The following PNMA8B variants were observed in gnomAD, a reference collection of about 807,000 sequenced individuals.
PNMA8B encodes paraneoplastic antigen-like protein 8B.
For missense variants in PNMA8B, 887 were observed against 885.8 expected (o/e 1.00, Z -0.02); for synonymous variants, 386 against 394.9 (o/e 0.98, Z 0.27).
chr19:46,494,389 C>A lies in PNMA8B; in HGVS notation c.1077G>T (p.Ser359=), dbSNP rs753744819. The part of the protein sequence containing the change: ...EMLKIASVIE[S]LGWSDEKDKR... ...TGTCTTTCTCGTCGCTCCAGCCCAG[C>A]GACTCGATAACAGAAGCGATTTTCA... is the stretch of plus-strand genomic sequence containing the variant. The change falls in exon 1 of 1, where the codon TCG becomes TCT. Residue 359 remains serine, a synonymous_variant. Coordinates refer to ENST00000599531, the MANE Select transcript of PNMA8B (RefSeq NM_020709.3). The A allele has an allele frequency of 3.7e-6, 6 of 1,613,452 alleles. No individual in the cohort carries two copies. Among genetic ancestry groups the A allele is most frequent in the Non-Finnish European group, 5.1e-6 (6 of 1,179,898 alleles).
chr19:46,493,502 G>GCGGGCGGGTGC lies in PNMA8B; in HGVS notation c.*45_*55dup, dbSNP rs1970035896. 17 of 1,151,516 alleles carry GCGGGCGGGTGC rather than the reference G, an allele frequency of 1.5e-5. No homozygotes were observed. The highest frequency in any genetic ancestry group is 1.9e-5 in the Non-Finnish European group (17 of 895,892). The allele number at this position is 1,151,516 out of a possible 1,614,324, so 71.3% of individuals were successfully genotyped here. On this transcript the variant is annotated 3_prime_UTR_variant, in exon 1 of 1. Coordinates refer to ENST00000599531, the MANE Select transcript of PNMA8B (RefSeq NM_020709.3). The surrounding 1 kb of genome is among the most constrained non-coding windows in gnomAD (Gnocchi z 5.3). ...GGGGAGGGGAGGGCGGGGGCCACAGGCGGGCGGGTGCCCTGCGGGGCCTGC... is the reference window on the plus strand; with the variant it reads ...GGGGAGGGGAGGGCGGGGGCCACAGGCGGGCGGGTGCCGGGCGGGTGCCCTGCGGGGCCTGC...
chr19:46,493,589 C>T lies in PNMA8B; in HGVS notation c.1877G>A (p.Arg626Gln), dbSNP rs747602877. 26 of 1,476,444 alleles carry T rather than the reference C, an allele frequency of 1.8e-5. No homozygotes were observed. The highest frequency in any genetic ancestry group is 2.1e-5 in the Non-Finnish European group (24 of 1,123,790). The allele number at this position is 1,476,444 out of a possible 1,614,324, so 91.5% of individuals were successfully genotyped here. A position where few individuals can be genotyped will look rare whatever the true frequency, so the allele number is the denominator to read the frequency against. Residue 626 changes from arginine to glutamine, a missense_variant, in exon 1 of 1, where the codon CGG becomes CAG. By Grantham distance (43) the Arg-to-Gln change is conservative. Coordinates refer to ENST00000599531, the MANE Select transcript of PNMA8B (RefSeq NM_020709.3). This position sits in a 1 kb window ranked among gnomAD's most constrained non-coding sequence, Gnocchi z 5.3. ...SKAARGKKARRGRRLPPKCR is the reference protein window; with the variant it reads ...SKAARGKKARQGRRLPPKCR ...GCATTTAGGGGGCAGCCTCCGGCCC[C>T]GACGGGCCTTCTTCCCGCGCGCGGC...
chr19:46,494,833 C>T lies in PNMA8B; in HGVS notation c.633G>A (p.Gln211=). 6.2e-7 allele frequency: 1 copy of T among 1,613,498 alleles called. No homozygotes were observed. Among genetic ancestry groups the T allele is most frequent in the Non-Finnish European group, 8.5e-7 (1 of 1,179,890 alleles). The change falls in exon 1 of 1, where the codon CAG becomes CAA. Residue 211 remains glutamine (Q), a synonymous_variant. Transcript: ENST00000599531. ...SLGIVIEEID[Q]GDLSGEEDQS... ...GGTCCTCTTCTCCGCTCAGGTCGCC[C>T]TGGTCGATCTCCTCGATCACGATGC... is the stretch of plus-strand genomic sequence containing the variant.
At position 46,493,522 on chromosome 19, in the gene PNMA8B, G is replaced by C; in HGVS notation, c.*36C>G. ...CACAGGCGGGCGGGTGCCCTGCGGG[G>C]CCTGCTCGCAGCCTGGGCGGCTTCT... On this transcript the variant is annotated 3_prime_UTR_variant, in exon 1 of 1. Coordinates refer to ENST00000599531, the MANE Select transcript of PNMA8B (RefSeq NM_020709.3). This position sits in a 1 kb window ranked among gnomAD's most constrained non-coding sequence, Gnocchi z 5.3. The C allele has an allele frequency of 7.7e-7, 1 of 1,297,642 alleles. No individual in the cohort carries two copies. Among genetic ancestry groups the C allele is most frequent in the East Asian group, 3.1e-5 (1 of 32,094 alleles). The allele number at this position is 1,297,642 out of a possible 1,614,324, so 80.4% of individuals were successfully genotyped here. A position where few individuals can be genotyped will look rare whatever the true frequency, so the allele number is the denominator to read the frequency against.
chr19:46,492,186 C>T lies in PNMA8B; in HGVS notation c.*1372G>A. The T allele has an allele frequency of 2.4e-6, 1 of 419,234 alleles. No individual in the cohort carries two copies. The highest frequency in any genetic ancestry group is 2.6e-5 in the Admixed American group (1 of 38,626). The allele number at this position is 419,234 out of a possible 1,614,324, so 26.0% of individuals were successfully genotyped here. ...TCCCAGGGACAAGTGGGGCAGGGCCCCCTGGCACGATGGGCTCCTCACTGC... is the reference window on the plus strand; with the variant it reads ...TCCCAGGGACAAGTGGGGCAGGGCCTCCTGGCACGATGGGCTCCTCACTGC... On this transcript the variant is annotated 3_prime_UTR_variant, in exon 1 of 1. Transcript: ENST00000599531.
rs201500682 is a variant in PNMA8B at position 46,494,140 on chromosome 19, A to G, written c.1326T>C (p.Arg442=). The G allele has an allele frequency of 1.2e-5, 19 of 1,610,494 alleles. No individual in the cohort carries two copies. The highest frequency in any genetic ancestry group is 1.6e-5 in the Non-Finnish European group (19 of 1,179,748). ...GCTCCAGAAGACCCCCTTCGTCCTCACGGTGCTCGCTCCAGCCCCCGAAGA... is the reference window on the plus strand; with the variant it reads ...GCTCCAGAAGACCCCCTTCGTCCTCGCGGTGCTCGCTCCAGCCCCCGAAGA... ...RGLFGGWSEH[R]EDEGGLLELV... is the part of the protein sequence containing the mutation. The change falls in exon 1 of 1, where the codon CGT becomes CGC. Residue 442 remains arginine, a synonymous_variant. Transcript: ENST00000599531.
chr19:46,494,843 T>C lies in PNMA8B; in HGVS notation c.623A>G (p.Glu208Gly). Reference sequence around the variant, plus strand: ...TCCGCTCAGGTCGCCCTGGTCGATCTCCTCGATCACGATGCCCAGGCTCTC... The same window carrying C: ...TCCGCTCAGGTCGCCCTGGTCGATCCCCTCGATCACGATGCCCAGGCTCTC... ...SDESLGIVIE[E>G]IDQGDLSGEE... The change falls in exon 1 of 1, where the codon GAG becomes GGG. Residue 208 changes from glutamate (E) to glycine (G), a missense_variant. Coordinates refer to ENST00000599531, the MANE Select transcript of PNMA8B (RefSeq NM_020709.3). 1.2e-6 allele frequency: 2 copies of C among 1,613,416 alleles called. No homozygotes were observed. The highest frequency in any genetic ancestry group is 1.7e-6 in the Non-Finnish European group (2 of 1,179,888).
rs372657510 is a variant in PNMA8B at position 46,494,054 on chromosome 19, G to A, written c.1412C>T (p.Ala471Val). ...GTATTTGTACTTCCCGCCTTCCCAG[G>A]CGTTTTCTTTTTCCTCCTTCATCAC... The part of the protein sequence containing the change: ...AEVMKEEKEN[A>V]WEGGKYKYPK... Residue 471 changes from alanine (A) to valine (V), a missense_variant, in exon 1 of 1, where the codon GCC becomes GTC. Ala to Val is a moderately conservative substitution (Grantham distance 64, BLOSUM62 0). Transcript: ENST00000599531. The A allele has an allele frequency of 1.7e-5, 27 of 1,613,458 alleles. No homozygotes were observed. Among genetic ancestry groups the A allele is most frequent in the Non-Finnish European group, 2.2e-5 (26 of 1,179,862 alleles).
rs1970046623 is a variant in PNMA8B at position 46,493,893 on chromosome 19, G to A, written c.1573C>T (p.Pro525Ser). 3 of 1,563,058 alleles carry A rather than the reference G, an allele frequency of 1.9e-6. No individual in the cohort carries two copies. Among genetic ancestry groups the A allele is most frequent in the Non-Finnish European group, 1.7e-6 (2 of 1,155,106 alleles). Residue 525 changes from proline to serine, a missense_variant, in exon 1 of 1, where the codon CCG becomes TCG. Coordinates refer to ENST00000599531, the MANE Select transcript of PNMA8B (RefSeq NM_020709.3). This position sits in a 1 kb window ranked among gnomAD's most constrained non-coding sequence, Gnocchi z 5.3. The part of the protein sequence containing the change: ...SEDTESEASE[P>S]EDRASRKPRA... ...GGCTTCCTGGATGCCCTGTCCTCCG[G>A]CTCCGACGCCTCGCTCTCGGTGTCC... is the stretch of plus-strand genomic sequence containing the variant.
Position 46,493,852 on chromosome 19 carries a change from C to T in PNMA8B, c.1614G>A (p.Ala538=). The T allele has an allele frequency of 2.0e-6, 3 of 1,490,558 alleles. No homozygotes were observed. Among genetic ancestry groups the T allele is most frequent in the Middle Eastern group, 1.8e-4 (1 of 5,514 alleles). 92.3% of individuals were successfully genotyped at this position (1,490,558 alleles called of 1,614,324 possible). ...RASRKPRAKR[A]RTAPRGLTPA... is the part of the protein sequence containing the mutation. ...GAGTCAGGCCCCTGGGGGCCGTGCG[C>T]GCCCTCTTGGCCCGGGGCTTCCTGG... Residue 538 remains alanine (A), a synonymous_variant, in exon 1 of 1, where the codon GCG becomes GCA. Coordinates refer to ENST00000599531, the MANE Select transcript of PNMA8B (RefSeq NM_020709.3). This position sits in a 1 kb window ranked among gnomAD's most constrained non-coding sequence, Gnocchi z 5.3.
In PNMA8B at chr19:46,493,478, G is replaced by A. The variant is rs918353658; in HGVS notation, c.*80C>T. 1.1e-6 allele frequency: 1 copy of A among 884,592 alleles called. No homozygotes were observed. Among genetic ancestry groups the A allele is most frequent in the Non-Finnish European group, 1.5e-6 (1 of 655,414 alleles). The allele number at this position is 884,592 out of a possible 1,614,324, so 54.8% of individuals were successfully genotyped here. A position where few individuals can be genotyped will look rare whatever the true frequency, so the allele number is the denominator to read the frequency against. On this transcript the variant is annotated 3_prime_UTR_variant, in exon 1 of 1. Coordinates refer to ENST00000599531, the MANE Select transcript of PNMA8B (RefSeq NM_020709.3). This position sits in a 1 kb window ranked among gnomAD's most constrained non-coding sequence, Gnocchi z 5.3. Reference sequence around the variant, plus strand: ...TTGCGTCTGCGGAGGACAGGAAGAGGGGAGGGGAGGGCGGGGGCCACAGGC... The same window carrying A: ...TTGCGTCTGCGGAGGACAGGAAGAGAGGAGGGGAGGGCGGGGGCCACAGGC...
rs1213491367 is a variant in PNMA8B at position 46,492,908 on chromosome 19, T to A, written c.*650A>T. 6.5e-6 allele frequency: 1 copy of A among 154,508 alleles called. No homozygotes were observed. The highest frequency in any genetic ancestry group is 1.5e-5 in the Non-Finnish European group (1 of 68,470). The allele number at this position is 154,508 out of a possible 1,614,324, so 9.6% of individuals were successfully genotyped here. A position where few individuals can be genotyped will look rare whatever the true frequency, so the allele number is the denominator to read the frequency against. ...AGGCAGGGCTGGCATGTGTCTTCCC[T>A]CTGCTCCCCCCTCCCCCTCCTCCTC... On this transcript the variant is annotated 3_prime_UTR_variant, in exon 1 of 1. Transcript: ENST00000599531.
In PNMA8B at chr19:46,494,331, T is replaced by A. The variant is rs761287634; in HGVS notation, c.1135A>T (p.Met379Leu). 1 of 1,613,194 alleles carries A rather than the reference T, an allele frequency of 6.2e-7. No individual in the cohort carries two copies. The highest frequency in any genetic ancestry group is 1.7e-5 in the Admixed American group (1 of 60,038). ...RDPLRQVLSV[M>L]SKDTNGTRVK... ...CGGGTCCCGTTAGTGTCCTTGGACA[T>A]GACGGACAAGACCTGTCGGAGGGGG... The change falls in exon 1 of 1, where the codon ATG (methionine) becomes TTG (leucine). Residue 379 changes from methionine to leucine, a missense_variant. By Grantham distance (15) the Met-to-Leu change is conservative. Transcript: ENST00000599531.
rs1970083404 is a variant in PNMA8B at position 46,495,571 on chromosome 19, T to TA, written c.-107dup. On this transcript the variant is annotated 5_prime_UTR_variant, in exon 1 of 1. Coordinates refer to ENST00000599531, the MANE Select transcript of PNMA8B (RefSeq NM_020709.3). Reference sequence around the variant, plus strand: ...ACCCTAGAAAGCCACTTGCAGGGCTTAGAGTCCCGGTTCCGGTGAATGTGG... The same window carrying TA: ...ACCCTAGAAAGCCACTTGCAGGGCTTAAGAGTCCCGGTTCCGGTGAATGTGG... 19 of 1,418,388 alleles carry TA rather than the reference T, an allele frequency of 1.3e-5. 1 individual carries two copies. The East Asian group carries it at 4.8e-4, about 36-fold the overall frequency. The allele number at this position is 1,418,388 out of a possible 1,614,324, so 87.9% of individuals were successfully genotyped here.
At position 46,493,622 on chromosome 19, in the gene PNMA8B, C is replaced by T; in HGVS notation, c.1844G>A (p.Gly615Glu). The change falls in exon 1 of 1, where the codon GGA (glycine) becomes GAA (glutamate). Residue 615 changes from glycine (G) to glutamate (E), a missense_variant. By Grantham distance (98) the Gly-to-Glu change is moderately conservative. Transcript: ENST00000599531. This position sits in a 1 kb window ranked among gnomAD's most constrained non-coding sequence, Gnocchi z 5.3. ...AGEAKGQAPT[G>E]SKAARGKKAR... ...CTTCTTCCCGCGCGCGGCCTTGGAT[C>T]CAGTGGGCGCCTGGCCCTTGGCCTC... 1 of 1,522,456 alleles carries T rather than the reference C, an allele frequency of 6.6e-7. No homozygotes were observed. Among genetic ancestry groups the T allele is most frequent in the South Asian group, 1.2e-5 (1 of 81,774 alleles). The allele number at this position is 1,522,456 out of a possible 1,614,324, so 94.3% of individuals were successfully genotyped here.
In PNMA8B at chr19:46,493,354, T is replaced by C; in HGVS notation, c.*204A>G. ...TCTCTTTCCTCCTCCCATCCGGGCT[T>C]CCTCCGTCGGGATCGCTGGCGCCCC... On this transcript the variant is annotated 3_prime_UTR_variant, in exon 1 of 1. Coordinates refer to ENST00000599531, the MANE Select transcript of PNMA8B (RefSeq NM_020709.3). The surrounding 1 kb of genome is among the most constrained non-coding windows in gnomAD (Gnocchi z 5.3). The C allele has an allele frequency of 2.5e-6, 1 of 403,344 alleles. No individual in the cohort carries two copies. The highest frequency in any genetic ancestry group is 4.3e-6 in the Non-Finnish European group (1 of 230,932). The allele number at this position is 403,344 out of a possible 1,614,324, so 25.0% of individuals were successfully genotyped here.
Position 46,493,244 on chromosome 19 carries a change from C to T in PNMA8B, c.*314G>A. The T allele has an allele frequency of 3.6e-6, 1 of 280,298 alleles. No individual in the cohort carries two copies. Among genetic ancestry groups the T allele is most frequent in the East Asian group, 5.8e-5 (1 of 17,376 alleles). 17.4% of individuals were successfully genotyped at this position (280,298 alleles called of 1,614,324 possible). On this transcript the variant is annotated 3_prime_UTR_variant, in exon 1 of 1. Coordinates refer to ENST00000599531, the MANE Select transcript of PNMA8B (RefSeq NM_020709.3). This position sits in a 1 kb window ranked among gnomAD's most constrained non-coding sequence, Gnocchi z 5.3. ...GTGCCCGGCGTCCACACACACACCC[C>T]CTCCGGGGGCAACCCGGGCCCCCAA...
Position 46,493,861 on chromosome 19 carries a change from G to A in PNMA8B, c.1605C>T (p.Ala535=). 2.0e-6 allele frequency: 3 copies of A among 1,514,840 alleles called. No homozygotes were observed. The South Asian group carries it at 3.9e-5, about 20-fold the overall frequency. 93.8% of individuals were successfully genotyped at this position (1,514,840 alleles called of 1,614,324 possible). A position where few individuals can be genotyped will look rare whatever the true frequency, so the allele number is the denominator to read the frequency against. Reference sequence around the variant, plus strand: ...CCCTGGGGGCCGTGCGCGCCCTCTTGGCCCGGGGCTTCCTGGATGCCCTGT... The same window carrying A: ...CCCTGGGGGCCGTGCGCGCCCTCTTAGCCCGGGGCTTCCTGGATGCCCTGT... ...PEDRASRKPR[A]KRARTAPRGL... The change falls in exon 1 of 1, where the codon GCC becomes GCT. Residue 535 remains alanine (A), a synonymous_variant. Coordinates refer to ENST00000599531, the MANE Select transcript of PNMA8B (RefSeq NM_020709.3). This position sits in a 1 kb window ranked among gnomAD's most constrained non-coding sequence, Gnocchi z 5.3.
Position 46,493,873 on chromosome 19 carries a change from C to A in PNMA8B, c.1593G>T (p.Arg531Ser). ...EASEPEDRAS[R>S]KPRAKRARTA... is the part of the protein sequence containing the mutation. ...TGCGCGCCCTCTTGGCCCGGGGCTT[C>A]CTGGATGCCCTGTCCTCCGGCTCCG... The change falls in exon 1 of 1, where the codon AGG (arginine) becomes AGT (serine). Residue 531 changes from arginine to serine, a missense_variant. Physicochemically the swap from Arg to Ser is moderately radical, Grantham distance 110. Coordinates refer to ENST00000599531, the MANE Select transcript of PNMA8B (RefSeq NM_020709.3). This position sits in a 1 kb window ranked among gnomAD's most constrained non-coding sequence, Gnocchi z 5.3. 1 of 1,531,194 alleles carries A rather than the reference C, an allele frequency of 6.5e-7. No individual in the cohort carries two copies. The highest frequency in any genetic ancestry group is 1.8e-4 in the Middle Eastern group (1 of 5,648). 94.9% of individuals were successfully genotyped at this position (1,531,194 alleles called of 1,614,324 possible).
Sources: allele counts gnomAD v4.1 joint callset, GRCh38; gene constraint gnomAD v4.1.1; non-coding constraint Gnocchi (gnomAD v3.1); transcripts MANE v1.5; gene names NCBI Gene and HGNC (gene_info 2026-07-23, HGNC 2026-07-21).